The following PLEKHG1 variants were observed in gnomAD, a reference collection of about 807,000 sequenced individuals.
PLEKHG1 encodes the protein pleckstrin homology and RhoGEF domain containing G1.
PLEKHG1 carries 44 observed loss-of-function variants against 100.8 expected under a neutral mutation model. That is an observed-to-expected ratio of 0.44 (90% CI 0.34 to 0.56). The LOEUF is 0.56. Ranked by LOEUF, PLEKHG1 falls within the 20% of genes least tolerant of loss-of-function variation. The pLI is 0.01. For missense variants in PLEKHG1, 1,545 were observed against 1,720.9 expected, an observed-to-expected ratio of 0.90 and a Z score of 1.81; for synonymous variants, 640 against 662.5, an observed-to-expected ratio of 0.97 and a Z score of 0.52.
rs113502744 is a variant in PLEKHG1, at chr6:150,631,294, G to A, written c.-203-6786G>A. Reference sequence around the variant, plus strand: ...ATCTGTGTCTTTGAATTAAAACCACGAAACCAGTTCCACCTTTTTTCCATC... The same window carrying A: ...ATCTGTGTCTTTGAATTAAAACCACAAAACCAGTTCCACCTTTTTTCCATC... On this transcript the variant is annotated intron_variant, in intron 1 of 3. Transcript: ENST00000367326. 4.3e-3 allele frequency among the ~76,000 whole-genome samples: 662 copies of A among 152,210 alleles called. 6 individuals are homozygous for A. Among genetic ancestry groups the A allele is most frequent in the African/African-American group, 0.015 (617 of 41,522 alleles).
intron 1 of PLEKHG1, among the ~76,000 whole-genome samples, chr6:150,604,974 A>G (rs1179515284): frequency 6.6e-6 from 1 of 152,196 alleles, no homozygotes; most frequent in African/African-American, 2.4e-5. Flanking sequence ...AGTAACTTGC[A>G]GAGCCCTGGG....
intron 3 of PLEKHG1, among the ~76,000 whole-genome samples, chr6:150,780,636 A>G (rs1044510887): frequency 1.3e-5 from 2 of 152,158 alleles, no homozygotes; most frequent in Non-Finnish European, 2.9e-5. Context: ...AAAACAAAAG[A>G]CATCATTCTC....
intron 3 of PLEKHG1, among the ~76,000 whole-genome samples, chr6:150,655,535 C>T (rs1288170936): frequency 1.3e-5 from 2 of 151,756 alleles, no homozygotes; most frequent in African/African-American, 2.4e-5. Context: ...GATGAAACCC[C>T]GTCTGTACTA....
chr6:150,831,784 G>C lies in PLEKHG1; in HGVS notation c.2673G>C (p.Leu891=), dbSNP rs1776949494. The change falls in exon 15 of 16, where the codon CTG becomes CTC. Residue 891 remains leucine (L), a synonymous_variant. Transcript: ENST00000358517. This position sits in a 1 kb window ranked among gnomAD's most constrained non-coding sequence, Gnocchi z 4.1. ...ACGTGGGGCGCTCTGTGTCCACGCT[G>C]TCCCTGCCTGAGAGCCAGGCTCTCC... is the stretch of plus-strand genomic sequence containing the variant. 2 of 1,613,180 alleles carry C rather than the reference G, an allele frequency of 1.2e-6. No individual in the cohort carries two copies. The highest frequency in any genetic ancestry group is 2.7e-5 in the African/African-American group (2 of 74,920).
intron 3 of PLEKHG1, among the ~76,000 whole-genome samples, chr6:150,784,345 A>G (rs1380926862): frequency 6.6e-6 from 1 of 152,212 alleles, no homozygotes; most frequent in African/African-American, 2.4e-5. Flanking sequence ...ATTGGAATCT[A>G]TAAATCACAG....
intron 3 of PLEKHG1, among the ~76,000 whole-genome samples, chr6:150,689,843 G>A (rs1191374754): frequency 7.4e-5 from 10 of 135,532 alleles, no homozygotes; most frequent in Non-Finnish European, 1.1e-4. Flanking sequence ...CAACAAGAGC[G>A]AAACTCTGTC....
At chr6:150,733,536 T>C in intron 1 of PLEKHG1, 48 bp from the exon 3 acceptor site, 1 of 1,484,672 alleles carries the variant, frequency 6.7e-7, no homozygotes, top group Non-Finnish European at 9.0e-7. Context: ...ACCCTCTGCT[T>C]GATAGAATTG....
intron 1 of PLEKHG1, among the ~76,000 whole-genome samples, chr6:150,622,096 A>G (rs1253519807): frequency 6.6e-6 from 1 of 152,114 alleles, no homozygotes; most frequent in Non-Finnish European, 1.5e-5. Flanking sequence ...TGGTTGTGCC[A>G]GCCAACACTT....
At chr6:150,840,302 G>A (rs1020538581) in exon 16 of PLEKHG1, 2 of 1,614,034 alleles carry the variant, frequency 1.2e-6, no homozygotes, top group Non-Finnish European at 1.7e-6. Flanking sequence ...CCTCCGTCTT[G>A]ATCAACAAAT....
At chr6:150,639,391 CA>C (rs1376348822) in intron 2 of PLEKHG1, among the ~76,000 whole-genome samples, 4 of 152,018 alleles carry the variant, frequency 2.6e-5, no homozygotes, top group Non-Finnish European at 5.9e-5. Context: ...CAACATTTAT[CA>C]TTTTTTTGTG....
intron 3 of PLEKHG1, among the ~76,000 whole-genome samples, chr6:150,680,359 A>G (rs988498224): frequency 2.6e-5 from 4 of 152,224 alleles, no homozygotes; most frequent in Non-Finnish European, 5.9e-5. Flanking sequence ...GCAGAACCCC[A>G]CAAATGATAG....
At chr6:150,817,074 T>G (rs1192161726) in intron 10 of PLEKHG1, among the ~76,000 whole-genome samples, 1 of 152,180 alleles carries the variant, frequency 6.6e-6, no homozygotes, top group Non-Finnish European at 1.5e-5. Context: ...TGCGGCCCAG[T>G]TCCTAACAGG....
chr6:150,828,791 A>T (rs973255056), intron 14 of PLEKHG1, among the ~76,000 whole-genome samples: 12 of 152,320 alleles, frequency 7.9e-5, no homozygotes, highest in African/African-American at 2.9e-4. Flanking sequence ...GTTAATATTA[A>T]CCTTGTTTTA....
intron 15 of PLEKHG1, among the ~76,000 whole-genome samples, chr6:150,839,058 T>C (rs114168207): frequency 0.017 from 2,536 of 152,208 alleles, 74 homozygotes; most frequent in African/African-American, 0.057. Context: ...AAAAAAAGAA[T>C]GATGGGAAGC....
chr6:150,628,316 T>C (rs111523749), intron 1 of PLEKHG1, among the ~76,000 whole-genome samples: 1 of 152,190 alleles, frequency 6.6e-6, no homozygotes, highest in African/African-American at 2.4e-5. Flanking sequence ...AAATTGCTGC[T>C]GCTGTTTAAT....
intron 2 of PLEKHG1, among the ~76,000 whole-genome samples, chr6:150,761,165 G>A (rs1784141836): frequency 7.0e-6 from 1 of 142,032 alleles, no homozygotes; most frequent in Non-Finnish European, 1.5e-5. Flanking sequence ...GAGTGCAGTG[G>A]CACAATCATG....
At chr6:150,761,216 C>T (rs1248630744) in intron 2 of PLEKHG1, among the ~76,000 whole-genome samples, 4 of 151,216 alleles carry the variant, frequency 2.6e-5, no homozygotes, top group African/African-American at 9.7e-5. Flanking sequence ...AGCGATTCTC[C>T]TGCCTCGGCC....
At chr6:150,699,913 C>T (rs530909932) in intron 3 of PLEKHG1, among the ~76,000 whole-genome samples, 24 of 152,184 alleles carry the variant, frequency 1.6e-4, no homozygotes, top group African/African-American at 4.1e-4. Context: ...ATCCATGGCC[C>T]CTGCTATTTT....
upstream of PLEKHG1, among the ~76,000 whole-genome samples, chr6:150,716,502 G>A (rs142845150): frequency 2.6e-5 from 4 of 152,262 alleles, no homozygotes; most frequent in East Asian, 7.7e-4. Flanking sequence ...CCGTCTTCCT[G>A]TCTCTGGGCC....
Sources: gnomAD v4.1 joint callset for allele counts (sites outside exome capture counted in the v4.1 genomes callset) on GRCh38, gnomAD v4.1.1 for gene constraint, Gnocchi (gnomAD v3.1) non-coding constraint, MANE v1.5 for transcripts, NCBI Gene and HGNC (gene_info 2026-07-23, HGNC 2026-07-21) for gene names.